MYCBP2: variants seen among roughly 807,000 people sequenced by gnomAD.
The protein encoded by MYCBP2 is E3 ubiquitin-protein ligase MYCBP2.
MYCBP2 carries 120 observed loss-of-function variants against 525.3 expected under a neutral mutation model. That is an observed-to-expected ratio of 0.23 (90% confidence interval 0.20 to 0.27). MYCBP2 has a LOEUF of 0.27. Ranked by LOEUF, MYCBP2 falls within the 10% of genes least tolerant of loss-of-function variation. The pLI, the probability that MYCBP2 is intolerant of heterozygous loss-of-function variation, is 1.00. For missense variants in MYCBP2, 4,149 were observed against 5,657.1 expected (o/e 0.73, Z 8.55); for synonymous variants, 1,894 against 1,955.8 (o/e 0.97, Z 0.83).
intron 26 of MYCBP2, among the ~76,000 whole-genome samples, chr13:77,200,084 A>T (rs2062307435): frequency 6.6e-6 from 1 of 152,196 alleles, no homozygotes; most frequent in Non-Finnish European, 1.5e-5. Flanking sequence ...TCAGATGATC[A>T]AATTACTCTG....
At chr13:77,147,680 G>A (rs2154190653) in intron 47 of MYCBP2, among the ~76,000 whole-genome samples, 1 of 152,040 alleles carries the variant, frequency 6.6e-6, no homozygotes, top group African/African-American at 2.4e-5. Flanking sequence ...GCCATACAAA[G>A]GTGAGAAAAG....
intron 74 of MYCBP2, among the ~76,000 whole-genome samples, chr13:77,062,092 A>G (rs1009848287): frequency 1.3e-5 from 2 of 152,232 alleles, no homozygotes; most frequent in Admixed American, 6.5e-5. Flanking sequence ...CTGTATGCCA[A>G]AGGAAGAAAC....
Position 77,139,313 on chromosome 13 carries a change from C to G in MYCBP2, c.7542G>C (p.Trp2514Cys). Residue 2514 changes from tryptophan to cysteine, a missense_variant, in exon 52 of 83, where the codon TGG becomes TGC. Physicochemically the swap from Trp to Cys is radical, Grantham distance 215. Transcript: ENST00000544440. Reference protein sequence around the residue: ...IDEIHNDDGVWLRLNDETIKK... With the variant: ...IDEIHNDDGVCLRLNDETIKK... The stretch of plus-strand genomic sequence containing the variant: ...TTATTGTCTCATCATTCAGCCTCAG[C>G]CACACACCATCATCATTATGGATCT... The G allele has an allele frequency of 6.2e-7, 1 of 1,613,338 alleles. No individual in the cohort carries two copies. The highest frequency in any genetic ancestry group is 8.5e-7 in the Non-Finnish European group (1 of 1,179,500).
intron 52 of MYCBP2, among the ~76,000 whole-genome samples, chr13:77,135,625 C>A (rs555952629): frequency 6.6e-6 from 1 of 152,260 alleles, no homozygotes; most frequent in Admixed American, 6.5e-5. Context: ...CTGTTTAGAG[C>A]CCTATGCCAA....
chr13:77,219,703 T>C (rs1594040450), intron 20 of MYCBP2, among the ~76,000 whole-genome samples: 1 of 152,150 alleles, frequency 6.6e-6, no homozygotes, highest in East Asian at 1.9e-4. Flanking sequence ...TTCTTACATC[T>C]GTTGCAATGT....
chr13:77,196,011 T>A (rs1243798887), intron 26 of MYCBP2, among the ~76,000 whole-genome samples: 3 of 152,176 alleles, frequency 2.0e-5, no homozygotes, highest in Non-Finnish European at 4.4e-5. Context: ...AACAATACAA[T>A]CAAAGAATTG....
At chr13:77,112,339 T>C (rs2048966556) in intron 55 of MYCBP2, among the ~76,000 whole-genome samples, 1 of 146,708 alleles carries the variant, frequency 6.8e-6, no homozygotes, top group African/African-American at 2.5e-5. Flanking sequence ...ATTTATATAA[T>C]ATATATTTTA....
intron 17 of MYCBP2, among the ~76,000 whole-genome samples, chr13:77,239,468 A>G (rs2068483083): frequency 6.6e-6 from 1 of 152,204 alleles, no homozygotes; most frequent in Non-Finnish European, 1.5e-5. Context: ...ACACTGTGCA[A>G]GTGACTCAGA....
At chr13:77,225,693 G>A in intron 18 of MYCBP2, 139 bp from the exon 19 acceptor site, 1 of 1,048,080 alleles carries the variant, frequency 9.5e-7, no homozygotes, top group Non-Finnish European at 1.4e-6. Flanking sequence ...TGTTAGAAGT[G>A]ATAGATCAAG....
intron 1 of MYCBP2, among the ~76,000 whole-genome samples, chr13:77,320,883 C>A (rs1289531178): frequency 6.6e-6 from 1 of 152,106 alleles, no homozygotes; most frequent in Non-Finnish European, 1.5e-5. Flanking sequence ...GGGCCCTGCC[C>A]TTAAGGAGCT....
intron 19 of MYCBP2, among the ~76,000 whole-genome samples, 178 bp from the exon 20 acceptor site, chr13:77,224,710 T>G (rs938567852): frequency 6.6e-6 from 1 of 152,184 alleles, no homozygotes; most frequent in Non-Finnish European, 1.5e-5. Flanking sequence ...AAAAATATTT[T>G]TGTAGGTCAT....
intron 30 of MYCBP2, among the ~76,000 whole-genome samples, chr13:77,188,045 T>TGG (rs959965098): frequency 4.0e-5 from 5 of 125,860 alleles, no homozygotes; most frequent in African/African-American, 1.6e-4. Flanking sequence ...CACTCCAGCC[T>TGG]GGGCGACAGA....
rs1039716009 is a variant in MYCBP2, at chr13:77,165,813, A to T, written c.6341-422T>A. On this transcript the variant is annotated intron_variant, in intron 41 of 82. Coordinates refer to ENST00000544440, the MANE Select transcript of MYCBP2 (RefSeq NM_015057.5). The stretch of plus-strand genomic sequence containing the variant: ...TAGGCAGGTCAGAGTGGAAAGAAGA[A>T]GTTTCTGAAATGAAATTGCCTATTA... Among the ~76,000 whole-genome samples, 4 of 152,318 alleles carry T rather than the reference A, an allele frequency of 2.6e-5. No homozygotes were observed. The East Asian group carries it at 7.7e-4, about 29-fold the overall frequency.
chr13:77,289,214 C>G (rs2077214310), intron 2 of MYCBP2, among the ~76,000 whole-genome samples: 1 of 151,778 alleles, frequency 6.6e-6, no homozygotes, highest in Non-Finnish European at 1.5e-5. Flanking sequence ...AAAAAATACA[C>G]TTGTTAAATA....
intron 52 of MYCBP2, among the ~76,000 whole-genome samples, chr13:77,127,691 A>G (rs902572779): frequency 6.6e-6 from 1 of 151,934 alleles, no homozygotes; most frequent in Non-Finnish European, 1.5e-5. Flanking sequence ...TATCCCTACC[A>G]GTAGCCTCAT....
chr13:77,273,632 C>T lies in MYCBP2; in HGVS notation c.785G>A (p.Arg262Gln), dbSNP rs555431485. Residue 262 changes from arginine (R) to glutamine (Q), a missense_variant, in exon 5 of 83, where the codon CGA becomes CAA. Around this residue, in one of 21 missense-constraint regions of MYCBP2, gnomAD observed 413 missense variants for 451.2 expected, o/e 0.92. Coordinates refer to ENST00000544440, the MANE Select transcript of MYCBP2 (RefSeq NM_015057.5). ...TGTGCTGTCATTCATCCCAGTACTT[C>T]GAACGGTGATTTCCAAAAGAAGCTG... ...LFQLLLEITV[R>Q]STGMNDSTGQ... 9.0e-6 allele frequency: 14 copies of T among 1,561,254 alleles called. No individual in the cohort carries two copies. Among genetic ancestry groups the T allele is most frequent in the Admixed American group, 4.3e-5 (2 of 46,576 alleles).
At chr13:77,076,000 T>C (rs909741384) in intron 68 of MYCBP2, 2 of 152,236 alleles carry the variant, frequency 1.3e-5, no homozygotes, top group Non-Finnish European at 2.9e-5. Context: ...AAGGTGATTA[T>C]TTGTAGCATT....
chr13:77,210,015 C>T (rs895779456), intron 23 of MYCBP2, among the ~76,000 whole-genome samples: 1 of 152,126 alleles, frequency 6.6e-6, no homozygotes, highest in Non-Finnish European at 1.5e-5. Flanking sequence ...CACACTACTT[C>T]AACCTTTCAA....
At chr13:77,175,551 T>C (rs1263044075) in intron 36 of MYCBP2, among the ~76,000 whole-genome samples, 1 of 152,238 alleles carries the variant, frequency 6.6e-6, no homozygotes, top group Non-Finnish European at 1.5e-5. Context: ...ACCGATCTTA[T>C]CCAAAATTCT....
Sources: gnomAD v4.1 joint callset for allele counts (sites outside exome capture counted in the v4.1 genomes callset) on GRCh38, gnomAD v4.1.1 for gene constraint, gnomAD v4.1.1 regional missense constraint, MANE v1.5 for transcripts, NCBI Gene and HGNC (gene_info 2026-07-23, HGNC 2026-07-21) for gene names.